NDUFS2: variants seen among roughly 807,000 people sequenced by gnomAD.
NDUFS2 encodes NADH dehydrogenase [ubiquinone] iron-sulfur protein 2, mitochondrial.
In NDUFS2, 38 loss-of-function variants were observed where a neutral mutation model predicts 69.6. The observed-to-expected ratio is 0.55, with a 90% CI of 0.42 to 0.72. NDUFS2 has a LOEUF of 0.72. Ranked by LOEUF, NDUFS2 falls within the 30% of genes least tolerant of loss-of-function variation. The pLI, the probability that NDUFS2 is intolerant of heterozygous loss-of-function variation, is 0.00. For missense variants in NDUFS2, 468 were observed against 595.0 expected, an observed-to-expected ratio of 0.79 and a Z score of 2.22; for synonymous variants, 194 against 211.2, an observed-to-expected ratio of 0.92 and a Z score of 0.70.
At chr1:161,198,176 C>T (rs1428696549), upstream of NDUFS2, 1 of 1,614,068 alleles carries the variant, frequency 6.2e-7, no homozygotes, top group Admixed American at 1.7e-5. This position sits in a 1 kb window ranked among gnomAD's most constrained non-coding sequence, Gnocchi z 4.7. Flanking sequence ...TTGTAACACG[C>T]CTAACAGGGC....
At position 161,209,199 on chromosome 1, in the gene NDUFS2, C is replaced by A. The variant is rs764559274; in HGVS notation, c.400C>A (p.Pro134Thr). ...IEYKTYLQAL[P>T]YFDRLDYVSM... The stretch of plus-strand genomic sequence containing the variant: ...CATTCCTCCCTCTTCCCAGGCCCTT[C>A]CATACTTTGACCGGCTAGACTATGT... The change falls in exon 4 of 14, where the codon CCA (proline) becomes ACA (threonine). Residue 134 changes from proline (P) to threonine (T), a missense_variant. Physicochemically the swap from Pro to Thr is conservative, Grantham distance 38 (BLOSUM62 -1). Coordinates refer to ENST00000676972, the MANE Select transcript of NDUFS2 (RefSeq NM_001377299.1). The A allele has an allele frequency of 1.2e-6, 2 of 1,614,192 alleles. No homozygotes were observed. Among genetic ancestry groups the A allele is most frequent in the Non-Finnish European group, 1.7e-6 (2 of 1,180,036 alleles).
chr1:161,209,094 G>T, intron 3 of NDUFS2, 99 bp from the exon 4 acceptor site: 1 of 1,546,068 alleles, frequency 6.5e-7, no homozygotes, highest in Non-Finnish European at 8.9e-7. Context: ...GGCTTATACA[G>T]CACCAACTTC....
At chr1:161,204,911 C>T (rs368923918) in intron 2 of NDUFS2, among the ~76,000 whole-genome samples, 21 of 152,164 alleles carry the variant, frequency 1.4e-4, no homozygotes, top group East Asian at 1.2e-3. Context: ...ATTAGCCAGG[C>T]GTGGTGGCAC....
chr1:161,210,641 AGCC>A lies in NDUFS2; in HGVS notation c.918_920del (p.Gln306_Pro307delinsHis). ...ATCCAGTGGGACCTGCGGAAGACCCAGCCCTATGATGTTTACGACCAGGTTGAG... is the reference window on the plus strand; with the variant it reads ...ATCCAGTGGGACCTGCGGAAGACCCACTATGATGTTTACGACCAGGTTGAG... On this transcript the variant is annotated inframe_deletion, in exon 9 of 14. Transcript: ENST00000676972. 6.2e-7 allele frequency: 1 copy of A among 1,614,166 alleles called. No homozygotes were observed. The highest frequency in any genetic ancestry group is 8.5e-7 in the Non-Finnish European group (1 of 1,180,030).
In NDUFS2 at chr1:161,212,340, ATCT is replaced by A. The variant is rs1278964693; in HGVS notation, c.987-6_987-4del. On this transcript the variant is annotated splice_region_variant and splice_polypyrimidine_tract_variant and intron_variant, in intron 9 of 13. Coordinates refer to ENST00000676972, the MANE Select transcript of NDUFS2 (RefSeq NM_001377299.1). The stretch of plus-strand genomic sequence containing the variant: ...GACTGTTCTTCTCTTGCTCTGTCTC[ATCT>A]TCTTGAGGTACCTGTGCCGGGTGGA... The A allele has an allele frequency of 5.0e-6, 8 of 1,613,166 alleles. No individual in the cohort carries two copies. The highest frequency in any genetic ancestry group is 2.7e-5 in the African/African-American group (2 of 74,874).
Position 161,210,202 on chromosome 1 carries a change from C to G in NDUFS2, c.780+14C>G. ...GAGTTGGAGGAGGTAAGCTAGGAGT[C>G]AATGGGAAAAATCTCTCCCCCACAA... On this transcript the variant is annotated intron_variant, in intron 7 of 13. Coordinates refer to ENST00000676972, the MANE Select transcript of NDUFS2 (RefSeq NM_001377299.1). The G allele has an allele frequency of 6.2e-7, 1 of 1,613,568 alleles. No homozygotes were observed. Among genetic ancestry groups the G allele is most frequent in the Non-Finnish European group, 8.5e-7 (1 of 1,179,614 alleles).
chr1:161,209,685 G>C, intron 5 of NDUFS2, 90 bp downstream of exon 5: 2 of 1,240,356 alleles, frequency 1.6e-6, no homozygotes, highest in Non-Finnish European at 2.3e-6. Flanking sequence ...AGAAGAGAGA[G>C]AACATGGGAG....
In NDUFS2 at chr1:161,206,529, T is replaced by A. The variant is rs2102037834; in HGVS notation, c.325T>A (p.Cys109Ser). 2.5e-6 allele frequency: 4 copies of A among 1,614,202 alleles called. No homozygotes were observed. In the East Asian group the frequency reaches 8.9e-5, roughly 36 times the overall value. ...ATTGAGTGGGGAGATGGTGCGGAAG[T>A]GTGATCCTCACATCGGGCTCCTGCA... The part of the protein sequence containing the change: ...MELSGEMVRK[C>S]DPHIGLLHRG... Residue 109 changes from cysteine (C) to serine (S), a missense_variant, in exon 3 of 14, where the codon TGT (cysteine) becomes AGT (serine). By Grantham distance (112) the Cys-to-Ser change is moderately radical. Transcript: ENST00000676972.
In NDUFS2 at chr1:161,210,641, A is replaced by T; in HGVS notation, c.917A>T (p.Gln306Leu). 6.2e-7 allele frequency: 1 copy of T among 1,614,166 alleles called. No individual in the cohort carries two copies. Among genetic ancestry groups the T allele is most frequent in the Non-Finnish European group, 8.5e-7 (1 of 1,180,030 alleles). Residue 306 changes from glutamine (Q) to leucine (L), a missense_variant, in exon 9 of 14, where the codon CAG becomes CTG. By Grantham distance (113) the Gln-to-Leu change is moderately radical (BLOSUM62 -2). Transcript: ENST00000676972. ...SGIQWDLRKT[Q>L]PYDVYDQVEF... ...ATCCAGTGGGACCTGCGGAAGACCC[A>T]GCCCTATGATGTTTACGACCAGGTT...
intron 9 of NDUFS2, among the ~76,000 whole-genome samples, chr1:161,211,155 G>A (rs1230153458): frequency 2.6e-5 from 4 of 152,226 alleles, no homozygotes; most frequent in Admixed American, 6.5e-5. Context: ...GATTATAGGC[G>A]TGAGCCACCA....
At position 161,214,269 on chromosome 1, in the gene NDUFS2, C is replaced by CTGTGTGTG. The variant is rs10629771; in HGVS notation, c.*100_*107dup. ...CCTGTTCCTCACTGGAAATTGGCCT[C>CTGTGTGTG]TGTGTGTGTGTGTGTGTGTGTGTGT... On this transcript the variant is annotated 3_prime_UTR_variant, in exon 14 of 14. Coordinates refer to ENST00000676972, the MANE Select transcript of NDUFS2 (RefSeq NM_001377299.1). The CTGTGTGTG allele has an allele frequency of 0.042, 37,445 of 892,454 alleles. 298 individuals are homozygous for CTGTGTGTG. Among genetic ancestry groups the CTGTGTGTG allele is most frequent in the East Asian group, 0.14 (5,004 of 36,102 alleles). The allele number at this position is 892,454 out of a possible 1,614,324, so 55.3% of individuals were successfully genotyped here. A position where few individuals can be genotyped will look rare whatever the true frequency, so the allele number is the denominator to read the frequency against.
chr1:161,199,871 C>T (rs1665040590), upstream of NDUFS2, among the ~76,000 whole-genome samples: 1 of 145,246 alleles, frequency 6.9e-6, no homozygotes, highest in East Asian at 2.1e-4. Context: ...GCCTCCATTT[C>T]CCCCCAGGGT....
upstream of NDUFS2, among the ~76,000 whole-genome samples, chr1:161,200,421 A>T (rs1665063238): frequency 6.6e-6 from 1 of 152,088 alleles, no homozygotes; most frequent in African/African-American, 2.4e-5. Flanking sequence ...TTCCCCAGGA[A>T]ATCCCCAGGA....
At chr1:161,205,431 C>G (rs1665407700) in intron 2 of NDUFS2, among the ~76,000 whole-genome samples, 1 of 152,132 alleles carries the variant, frequency 6.6e-6, no homozygotes, top group East Asian at 1.9e-4. Flanking sequence ...TGCTTCTTCT[C>G]CCTTCTAGCT....
chr1:161,202,359 C>T (rs1287143597), upstream of NDUFS2: 2 of 1,599,202 alleles, frequency 1.3e-6, no homozygotes, highest in Non-Finnish European at 1.7e-6. Context: ...CCCGGTTCTC[C>T]TTCCCGCAGT....
In NDUFS2 at chr1:161,210,369, A is replaced by G; in HGVS notation, c.846A>G (p.Glu282=). The G allele has an allele frequency of 1.2e-6, 2 of 1,614,032 alleles. No homozygotes were observed. The highest frequency in any genetic ancestry group is 2.2e-5 in the East Asian group (1 of 44,886). The change falls in exon 8 of 14, where the codon GAA becomes GAG. Residue 282 remains glutamate (E), a synonymous_variant. Transcript: ENST00000676972. ...ACATTGGGGTTGTAACAGCAGAAGA[A>G]GCACTTAACTATGGTTTTAGGTGAG... is the stretch of plus-strand genomic sequence containing the variant. ...TIDIGVVTAE[E]ALNYGFSGVM...
intron 2 of NDUFS2, among the ~76,000 whole-genome samples, chr1:161,205,704 A>G (rs751616928): frequency 9.9e-5 from 15 of 151,220 alleles, no homozygotes; most frequent in Non-Finnish European, 1.8e-4. Context: ...GCAGGCAGAC[A>G]TTGCAGTGAG....
rs1254092894 is a variant in NDUFS2, at chr1:161,209,854, A to G, written c.628-3A>G. The G allele has an allele frequency of 6.2e-7, 1 of 1,613,824 alleles. No individual in the cohort carries two copies. Among genetic ancestry groups the G allele is most frequent in the South Asian group, 1.1e-5 (1 of 91,012 alleles). On this transcript the variant is annotated splice_region_variant and splice_polypyrimidine_tract_variant and intron_variant, in intron 5 of 13. Transcript: ENST00000676972. ...ACACTAATTCCCAGCACGTTCTATG[A>G]AGATGTTTGAGTTCTACGAGCGAGT...
chr1:161,211,163 C>T (rs1469755981), intron 9 of NDUFS2, among the ~76,000 whole-genome samples: 1 of 152,238 alleles, frequency 6.6e-6, no homozygotes, highest in Non-Finnish European at 1.5e-5. Context: ...GCGTGAGCCA[C>T]CACACCCGGC....
Sources: allele counts gnomAD v4.1 joint callset (sites outside exome capture counted in the v4.1 genomes callset), GRCh38; gene constraint gnomAD v4.1.1; non-coding constraint Gnocchi (gnomAD v3.1); transcripts MANE v1.5; gene names NCBI Gene and HGNC (gene_info 2026-07-23, HGNC 2026-07-21).